The following ADAMTS12 variants were observed in gnomAD, a reference collection of about 807,000 sequenced individuals.
ADAMTS12 encodes the protein A disintegrin and metalloproteinase with thrombospondin motifs 12.
In ADAMTS12, 118 loss-of-function variants were observed where a neutral mutation model predicts 167.8. The ratio of observed to expected loss-of-function variants is 0.70; its 90% CI spans 0.61 to 0.82. The LOEUF is 0.82. ADAMTS12 is among the 40% of genes least tolerant of loss of function. ADAMTS12 has a pLI of 0.00. For missense variants in ADAMTS12, 1,916 were observed against 1,998.8 expected (o/e 0.96, Z 0.79); for synonymous variants, 704 against 716.9 (o/e 0.98, Z 0.29).
At chr5:33,868,953 A>G (rs1749931603) in intron 2 of ADAMTS12, among the ~76,000 whole-genome samples, 1 of 152,234 alleles carries the variant, frequency 6.6e-6, no homozygotes, top group South Asian at 2.1e-4. Flanking sequence ...CATGTGGTAG[A>G]AAATAAAAAC....
chr5:33,728,047 T>C (rs1465298991), intron 3 of ADAMTS12, among the ~76,000 whole-genome samples: 1 of 152,080 alleles, frequency 6.6e-6, no homozygotes, highest in African/African-American at 2.4e-5. Flanking sequence ...GGAACAAATA[T>C]ATTAAACAAA....
chr5:33,850,108 C>G (rs1199250271), intron 2 of ADAMTS12, among the ~76,000 whole-genome samples: 1 of 152,156 alleles, frequency 6.6e-6, no homozygotes, highest in African/African-American at 2.4e-5. Flanking sequence ...AATAGATGAT[C>G]TGTTCTTACC....
At chr5:33,795,026 T>C (rs1746719046) in intron 2 of ADAMTS12, among the ~76,000 whole-genome samples, 1 of 152,238 alleles carries the variant, frequency 6.6e-6, no homozygotes, top group Non-Finnish European at 1.5e-5. Context: ...GAAAAGTTTG[T>C]TCATTTCAAG....
At position 33,881,200 on chromosome 5, in the gene ADAMTS12, G is replaced by A. The variant is rs375731869; in HGVS notation, c.408C>T (p.Ala136=). 1 of 1,614,144 alleles carries A rather than the reference G, an allele frequency of 6.2e-7. No individual in the cohort carries two copies. Residue 136 remains alanine (A), a synonymous_variant, in exon 2 of 24, where the codon GCC becomes GCT. Coordinates refer to ENST00000504830, the MANE Select transcript of ADAMTS12 (RefSeq NM_030955.4). ...LSHVKMMASS[A]PLCHLSGTVL... is the part of the protein sequence containing the mutation. ...CCGTGCCACTGAGATGGCAGAGGGG[G>A]GCAGAGGAAGCCATCATCTTAACAT...
intron 13 of ADAMTS12, among the ~76,000 whole-genome samples, chr5:33,625,272 T>C (rs1264940079): frequency 6.6e-6 from 1 of 151,212 alleles, no homozygotes; most frequent in Admixed American, 6.6e-5. Context: ...CTTCACCTAG[T>C]AGGGGGAAAA....
At chr5:33,590,485 T>G (rs1045367508) in intron 17 of ADAMTS12, among the ~76,000 whole-genome samples, 2 of 152,198 alleles carry the variant, frequency 1.3e-5, no homozygotes, top group African/African-American at 4.8e-5. Flanking sequence ...TTACTCCCTC[T>G]CACTCTTCTG....
At chr5:33,575,952 A>G (rs1579691067) in intron 19 of ADAMTS12, 102 bp downstream of exon 19, 1 of 1,475,400 alleles carries the variant, frequency 6.8e-7, no homozygotes, top group East Asian at 2.4e-5. Flanking sequence ...TTTTCACAAT[A>G]GAATATATTT....
rs138929732 is a variant in ADAMTS12 at position 33,702,366 on chromosome 5, C to T, written c.635-18311G>A. Among the ~76,000 whole-genome samples, 315 of 152,314 alleles carry T rather than the reference C, an allele frequency of 2.1e-3. 2 individuals are homozygous for T. Among genetic ancestry groups the T allele is most frequent in the African/African-American group, 7.1e-3 (294 of 41,574 alleles). On this transcript the variant is annotated intron_variant, in intron 3 of 23. Coordinates refer to ENST00000504830, the MANE Select transcript of ADAMTS12 (RefSeq NM_030955.4). The stretch of plus-strand genomic sequence containing the variant: ...GTTCATGAGTCTTTAAAGACTTACA[C>T]ATGTCTTCCCAATCATCAAAGGAAT...
Position 33,606,814 on chromosome 5 carries a change from T to A in ADAMTS12, c.2527+7424A>T, listed in dbSNP as rs1254339499. Among the ~76,000 whole-genome samples, 6 of 152,342 alleles carry A rather than the reference T, an allele frequency of 3.9e-5. No homozygotes were observed. In the East Asian group the frequency reaches 1.2e-3, roughly 29 times the overall value. On this transcript the variant is annotated intron_variant, in intron 16 of 23. Coordinates refer to ENST00000504830, the MANE Select transcript of ADAMTS12 (RefSeq NM_030955.4). Reference sequence around the variant, plus strand: ...ACAAGGAGAGTGCTGGAAGGGAATATTAAAGATAGATCTCATTCATGAATG... The same window carrying A: ...ACAAGGAGAGTGCTGGAAGGGAATAATAAAGATAGATCTCATTCATGAATG...
chr5:33,812,458 TA>T (rs1284191432), intron 2 of ADAMTS12, among the ~76,000 whole-genome samples: 2 of 152,182 alleles, frequency 1.3e-5, no homozygotes, highest in African/African-American at 4.8e-5. Context: ...CATACCAAGT[TA>T]CTCACCTCAA....
chr5:33,712,889 A>G lies in ADAMTS12; in HGVS notation c.635-28834T>C, dbSNP rs139047909. ...TGCAAAGTTGCCTGTAAAAAAATCAATGGGGTCATGGCCTAGATCCAATAG... is the reference window on the plus strand; with the variant it reads ...TGCAAAGTTGCCTGTAAAAAAATCAGTGGGGTCATGGCCTAGATCCAATAG... On this transcript the variant is annotated intron_variant, in intron 3 of 23. Transcript: ENST00000504830. Among the ~76,000 whole-genome samples the G allele has an allele frequency of 7.2e-5, 11 of 152,240 alleles. No homozygotes were observed. In the East Asian group the frequency reaches 7.7e-4, roughly 11 times the overall value.
chr5:33,804,683 A>C (rs1473951341), intron 2 of ADAMTS12, among the ~76,000 whole-genome samples: 1 of 152,198 alleles, frequency 6.6e-6, no homozygotes. Context: ...TGCAATTCAC[A>C]AGTGAAAAGA....
At chr5:33,891,654 A>C (rs1463754415) in intron 1 of ADAMTS12, 76 bp downstream of exon 1, 11 of 1,594,364 alleles carry the variant, frequency 6.9e-6, no homozygotes, top group Non-Finnish European at 9.4e-6. Context: ...GGGTGGGGGA[A>C]GGGAAAGGGG....
intron 2 of ADAMTS12, among the ~76,000 whole-genome samples, chr5:33,857,490 T>C (rs923426558): frequency 2.6e-5 from 4 of 152,246 alleles, no homozygotes; most frequent in Admixed American, 2.6e-4. Context: ...TTCACTTGAC[T>C]GTGGTTATTA....
chr5:33,753,403 T>C (rs546245051), intron 2 of ADAMTS12, among the ~76,000 whole-genome samples: 1 of 152,306 alleles, frequency 6.6e-6, no homozygotes, highest in East Asian at 1.9e-4. Flanking sequence ...AAACAGACTC[T>C]GTGCAGTACT....
chr5:33,537,341 T>A (rs1003858073), intron 22 of ADAMTS12, among the ~76,000 whole-genome samples: 1 of 152,204 alleles, frequency 6.6e-6, no homozygotes, highest in East Asian at 1.9e-4. Context: ...AGAGTTAAGG[T>A]AAATGCAAAA....
chr5:33,637,219 G>A (rs57395688), intron 12 of ADAMTS12, among the ~76,000 whole-genome samples: 1 of 151,844 alleles, frequency 6.6e-6, no homozygotes, highest in Admixed American at 6.6e-5. Flanking sequence ...CCTTTTCTTC[G>A]GAATTTCTGA....
intron 16 of ADAMTS12, among the ~76,000 whole-genome samples, chr5:33,602,623 T>C (rs373649607): frequency 1.3e-5 from 2 of 152,306 alleles, no homozygotes; most frequent in Admixed American, 6.5e-5. Context: ...TCCAAAGAAG[T>C]GTATTCTGCT....
intron 2 of ADAMTS12, among the ~76,000 whole-genome samples, chr5:33,861,273 T>G (rs913338280): frequency 6.6e-6 from 1 of 152,174 alleles, no homozygotes; most frequent in African/African-American, 2.4e-5. Context: ...ATGCGCTGTA[T>G]TCAGAAGACC....
Sources: allele counts gnomAD v4.1 joint callset (sites outside exome capture counted in the v4.1 genomes callset), GRCh38; gene constraint gnomAD v4.1.1; transcripts MANE v1.5; gene names NCBI Gene and HGNC (gene_info 2026-07-23, HGNC 2026-07-21).